The following ZDHHC15 variants were observed in gnomAD, a reference collection of about 807,000 sequenced individuals.
The protein encoded by ZDHHC15 is zDHHC palmitoyltransferase 15.
Under a neutral mutation model 31.7 loss-of-function variants are expected in ZDHHC15, and 19 were observed. The observed-to-expected ratio is 0.60, with a 90% CI of 0.42 to 0.88. The LOEUF is 0.88. Among genes scored for constraint, ZDHHC15 ranks in the 40% least tolerant of loss-of-function variants. ZDHHC15 has a pLI of 0.00. For synonymous variants in ZDHHC15, 103 were observed against 90.0 expected, an observed-to-expected ratio of 1.14 and a Z score of -0.82; for missense variants, 209 against 251.2, an observed-to-expected ratio of 0.83 and a Z score of 1.14.
intron 4 of ZDHHC15, among the ~76,000 whole-genome samples, chrX:75,441,384 T>C (rs902113595): frequency 9.0e-6 from 1 of 111,354 alleles, no homozygotes; most frequent in Non-Finnish European, 1.9e-5. Flanking sequence ...TCTACTTTTA[T>C]ATTTCTCTCG....
At chrX:75,447,189 C>A (rs1395835213) in intron 4 of ZDHHC15, among the ~76,000 whole-genome samples, 3 of 111,889 alleles carry the variant, frequency 2.7e-5, no homozygotes, top group African/African-American at 9.7e-5. Flanking sequence ...GATATAGCAC[C>A]ATTCTCTGGG....
intron 2 of ZDHHC15, among the ~76,000 whole-genome samples, chrX:75,491,463 C>A (rs1197556681): frequency 1.3e-5 from 1 of 74,160 alleles, no homozygotes; most frequent in East Asian, 4.2e-4. Flanking sequence ...ACATCACACT[C>A]TGGGGACTGT....
At chrX:75,478,601 A>G (rs1569351557) in intron 3 of ZDHHC15, among the ~76,000 whole-genome samples, 3 of 110,795 alleles carry the variant, frequency 2.7e-5, no homozygotes, top group African/African-American at 9.9e-5. Context: ...TAGGTCTCAA[A>G]CTCCTAGCTT....
intron 3 of ZDHHC15, among the ~76,000 whole-genome samples, chrX:75,465,770 T>C (rs762444045): frequency 9.0e-6 from 1 of 111,644 alleles, no homozygotes; most frequent in Admixed American, 9.6e-5. Context: ...ACTGGCCCCC[T>C]TCCTTACACC....
In ZDHHC15 at chrX:75,497,179, A is replaced by G. The variant is rs1157749540; in HGVS notation, c.163+8642T>C. On this transcript the variant is annotated intron_variant, in intron 2 of 11. Coordinates refer to ENST00000373367, the MANE Select transcript of ZDHHC15 (RefSeq NM_144969.3). ...TTACAACTGATAGCACAGAAATACA[A>G]AAGATCATTGAAGGCTACTATGAAT... 3.6e-5 allele frequency among the ~76,000 whole-genome samples: 4 copies of G among 111,830 alleles called. No individual in the cohort carries two copies. In the Admixed American group the frequency reaches 3.8e-4, roughly 11 times the overall value.
chrX:75,446,951 A>G (rs962600351), intron 4 of ZDHHC15, among the ~76,000 whole-genome samples: 1 of 112,078 alleles, frequency 8.9e-6, no homozygotes, highest in Non-Finnish European at 1.9e-5. Context: ...GCAGAGAAGG[A>G]TTTTAATAAT....
Position 75,499,223 on chromosome X carries a change from C to T in ZDHHC15, c.163+6598G>A, listed in dbSNP as rs768914695. Among the ~76,000 whole-genome samples, 32 of 111,225 alleles carry T rather than the reference C, an allele frequency of 2.9e-4. 1 individual carries two copies. The highest frequency in any genetic ancestry group is 4.5e-4 in the Non-Finnish European group (24 of 53,013). The stretch of plus-strand genomic sequence containing the variant: ...AAACTCTTCTAGACTTTGGTTTAGG[C>T]AAAGAGCTCATGACCCAGACCCAAA... On this transcript the variant is annotated intron_variant, in intron 2 of 11. Transcript: ENST00000373367.
At chrX:75,516,247 G>C (rs2085354448) in intron 1 of ZDHHC15, among the ~76,000 whole-genome samples, 1 of 111,838 alleles carries the variant, frequency 8.9e-6, no homozygotes, top group African/African-American at 3.3e-5. Flanking sequence ...TAAAGTTCAT[G>C]TGGAACCAAA....
intron 3 of ZDHHC15, among the ~76,000 whole-genome samples, chrX:75,464,545 T>C (rs1056757035): frequency 3.6e-5 from 4 of 111,715 alleles, no homozygotes; most frequent in African/African-American, 9.7e-5. Flanking sequence ...TTGATAAACA[T>C]TGATGTAAAA....
At chrX:75,479,591 T>G (rs184257578) in intron 2 of ZDHHC15, among the ~76,000 whole-genome samples, 19 of 111,767 alleles carry the variant, frequency 1.7e-4, no homozygotes, top group Admixed American at 1.1e-3. Flanking sequence ...GTCAGGGCTT[T>G]CAAGAGTATC....
chrX:75,374,415 A>G (rs1413725279), intron 11 of ZDHHC15, among the ~76,000 whole-genome samples: 1 of 109,999 alleles, frequency 9.1e-6, no homozygotes, highest in African/African-American at 3.3e-5. Flanking sequence ...TTAATCTGAT[A>G]AAGCTATCTA....
rs2084955732 is a variant in ZDHHC15 at position 75,494,477 on chromosome X, C to T, written c.163+11344G>A. 2.7e-5 allele frequency among the ~76,000 whole-genome samples: 3 copies of T among 111,481 alleles called. No individual in the cohort carries two copies. The South Asian group carries it at 1.1e-3, about 42-fold the overall frequency. On this transcript the variant is annotated intron_variant, in intron 2 of 11. Transcript: ENST00000373367. ...GAAAAAAGAGCCCACATTGCCAAGT[C>T]AATCCTAAGCCAAAAGAACAAAGCT...
chrX:75,485,631 A>T (rs1413767599), intron 2 of ZDHHC15, among the ~76,000 whole-genome samples: 4 of 111,583 alleles, frequency 3.6e-5, no homozygotes, highest in Non-Finnish European at 5.6e-5. Flanking sequence ...AGAGAGACGT[A>T]TTGAAGCATA....
intron 2 of ZDHHC15, among the ~76,000 whole-genome samples, chrX:75,487,357 T>G (rs2147999006): frequency 8.9e-6 from 1 of 112,369 alleles, no homozygotes; most frequent in South Asian, 3.7e-4. Flanking sequence ...ATCACAGGAC[T>G]GTTTGCAGAC....
chrX:75,432,768 A>G (rs1413579739), intron 4 of ZDHHC15, among the ~76,000 whole-genome samples: 1 of 111,002 alleles, frequency 9.0e-6, no homozygotes, highest in Non-Finnish European at 1.9e-5. Flanking sequence ...CTTGAGACCA[A>G]GAGTTCCAGA....
intron 1 of ZDHHC15, among the ~76,000 whole-genome samples, chrX:75,508,113 T>C (rs1001590037): frequency 1.8e-5 from 2 of 111,182 alleles, no homozygotes; most frequent in Non-Finnish European, 3.8e-5. Flanking sequence ...AAAAAATATA[T>C]TTTACCAATA....
At chrX:75,435,327 C>T (rs2083836478) in intron 4 of ZDHHC15, among the ~76,000 whole-genome samples, 1 of 111,211 alleles carries the variant, frequency 9.0e-6, no homozygotes, top group African/African-American at 3.3e-5. Context: ...TTTGGATGTC[C>T]TTTATTTCTT....
intron 1 of ZDHHC15, among the ~76,000 whole-genome samples, chrX:75,514,753 T>G (rs1474993708): frequency 9.0e-6 from 1 of 111,206 alleles, no homozygotes; most frequent in Non-Finnish European, 1.9e-5. Context: ...CATGCAAGGC[T>G]CGGTGGGTCT....
intron 4 of ZDHHC15, among the ~76,000 whole-genome samples, chrX:75,444,257 G>A (rs2083991426): frequency 9.1e-6 from 1 of 109,865 alleles, no homozygotes; most frequent in Non-Finnish European, 1.9e-5. Flanking sequence ...AGAAAATGTG[G>A]CACATATACA....
Sources: gnomAD v4.1 joint callset for allele counts (sites outside exome capture counted in the v4.1 genomes callset) on GRCh38, gnomAD v4.1.1 for gene constraint, MANE v1.5 for transcripts, NCBI Gene and HGNC (gene_info 2026-07-23, HGNC 2026-07-21) for gene names.